Variants in PTPN13 observed in about 807,000 individuals in gnomAD.
The protein encoded by PTPN13 is tyrosine-protein phosphatase non-receptor type 13.
In PTPN13, 191 loss-of-function variants were observed where a neutral mutation model predicts 284.0. That is an observed-to-expected ratio of 0.67 (90% CI 0.60 to 0.76). The LOEUF is 0.76. PTPN13 is among the 30% of genes least tolerant of loss of function. The probability of loss-of-function intolerance (pLI) is 0.00; values close to 1 mark genes in which losing one functional copy is unlikely to be tolerated. For missense variants in PTPN13, 2,797 were observed against 2,939.9 expected, an observed-to-expected ratio of 0.95 and a Z score of 1.12; for synonymous variants, 986 against 1,022.3, an observed-to-expected ratio of 0.96 and a Z score of 0.68.
intron 5 of PTPN13, chr4:86,689,614 T>G: frequency 1.4e-6 from 1 of 701,784 alleles, no homozygotes; most frequent in Non-Finnish European, 2.6e-6. Flanking sequence ...TGTCTGGATC[T>G]TCTAGGTATT....
In PTPN13 at chr4:86,767,989, G is replaced by A. The variant is rs1739527994; in HGVS notation, c.4489+13G>A. On this transcript the variant is annotated intron_variant, in intron 28 of 47. Transcript: ENST00000411767. ...TTTGTCACTGAAGGTCAGGCCTTGG[G>A]AGACTACAATCTCACCTTTAAATTA... 1.3e-6 allele frequency: 2 copies of A among 1,598,236 alleles called. No individual in the cohort carries two copies. The highest frequency in any genetic ancestry group is 1.4e-5 in the African/African-American group (1 of 73,940).
chr4:86,633,429 A>G (rs1722678166), intron 1 of PTPN13, among the ~76,000 whole-genome samples: 2 of 152,120 alleles, frequency 1.3e-5, no homozygotes, highest in Middle Eastern at 3.2e-3. Flanking sequence ...CTAACTCCAG[A>G]GAACATATAT....
chr4:86,743,567 T>C (rs1455516369), intron 16 of PTPN13, among the ~76,000 whole-genome samples: 1 of 152,180 alleles, frequency 6.6e-6, no homozygotes, highest in Non-Finnish European at 1.5e-5. Flanking sequence ...TATCTTTAGC[T>C]CCTCTCTAAT....
Position 86,676,702 on chromosome 4 carries a change from C to G in PTPN13, c.294+4159C>G, listed in dbSNP as rs1363955909. Among the ~76,000 whole-genome samples, 3 of 152,082 alleles carry G rather than the reference C, an allele frequency of 2.0e-5. No homozygotes were observed. The East Asian group carries it at 5.8e-4, about 29-fold the overall frequency. On this transcript the variant is annotated intron_variant, in intron 3 of 47. Coordinates refer to ENST00000411767, the MANE Select transcript of PTPN13 (RefSeq NM_080683.3). ...AGGCTTAAGTAAAAGGCAGGCTTGT[C>G]ACATGCTACAATATGGATGAACCTG...
chr4:86,709,521 A>G (rs2149041969), intron 7 of PTPN13, among the ~76,000 whole-genome samples: 1 of 152,288 alleles, frequency 6.6e-6, no homozygotes, highest in Non-Finnish European at 1.5e-5. Context: ...GGTTACAACA[A>G]TATTCTCTGG....
chr4:86,720,998 G>A (rs552603192), intron 9 of PTPN13, among the ~76,000 whole-genome samples: 5 of 152,032 alleles, frequency 3.3e-5, no homozygotes, highest in South Asian at 2.1e-4. Context: ...AAGTTTATAC[G>A]TAGTACATTC....
chr4:86,688,957 A>C, intron 4 of PTPN13, 48 bp from the exon 5 acceptor site: 1 of 1,443,144 alleles, frequency 6.9e-7, no homozygotes, highest in Non-Finnish European at 9.7e-7. Flanking sequence ...CATTAGAAAA[A>C]ATATTTGCTC....
rs1382549607 is a variant in PTPN13, at chr4:86,799,082, A to G, written c.6402-19A>G. The G allele has an allele frequency of 4.2e-6, 6 of 1,427,842 alleles. No individual in the cohort carries two copies. In the African/African-American group the frequency reaches 5.8e-5, roughly 14 times the overall value. 88.4% of individuals were successfully genotyped at this position (1,427,842 alleles called of 1,614,324 possible). On this transcript the variant is annotated intron_variant, in intron 41 of 47. Coordinates refer to ENST00000411767, the MANE Select transcript of PTPN13 (RefSeq NM_080683.3). Reference sequence around the variant, plus strand: ...TACAAAAATGAAGAAAATGTTTCAAATATGTTTTGTTTTCATAGCTTAATT... The same window carrying G: ...TACAAAAATGAAGAAAATGTTTCAAGTATGTTTTGTTTTCATAGCTTAATT...
chr4:86,645,606 A>G (rs541417194), intron 2 of PTPN13, among the ~76,000 whole-genome samples: 76 of 152,214 alleles, frequency 5.0e-4, no homozygotes, highest in Non-Finnish European at 9.6e-4. Context: ...AAATTTAACA[A>G]TATGAAAAAA....
intron 42 of PTPN13, among the ~76,000 whole-genome samples, chr4:86,800,595 T>G (rs1192586962): frequency 6.6e-6 from 1 of 151,236 alleles, no homozygotes; most frequent in African/African-American, 2.4e-5. Flanking sequence ...GAGGTTGCAA[T>G]GAGCCGAGAT....
intron 30 of PTPN13, 52 bp from the exon 31 acceptor site, chr4:86,771,119 C>T (rs1739947099): frequency 2.0e-6 from 3 of 1,486,976 alleles, no homozygotes; most frequent in Non-Finnish European, 2.7e-6. Context: ...CAAATAAATG[C>T]TTCTAAAATT....
At chr4:86,685,984 T>TA (rs879323825) in intron 3 of PTPN13, among the ~76,000 whole-genome samples, 5 of 152,240 alleles carry the variant, frequency 3.3e-5, no homozygotes, top group Non-Finnish European at 5.9e-5. Flanking sequence ...AACAGTGCTT[T>TA]AACCACTAAT....
chr4:86,626,964 C>G (rs747278804), intron 1 of PTPN13, among the ~76,000 whole-genome samples: 1 of 151,980 alleles, frequency 6.6e-6, no homozygotes, highest in Non-Finnish European at 1.5e-5. Context: ...CCCAAATGTT[C>G]TAAACAGGTG....
At chr4:86,809,554 T>A (rs1745000364) in intron 45 of PTPN13, among the ~76,000 whole-genome samples, 1 of 152,028 alleles carries the variant, frequency 6.6e-6, no homozygotes, top group African/African-American at 2.4e-5. Flanking sequence ...AGAAATTAGC[T>A]GGGTGTGGCA....
intron 2 of PTPN13, among the ~76,000 whole-genome samples, chr4:86,640,512 G>A (rs1400109001): frequency 6.6e-6 from 1 of 152,148 alleles, no homozygotes; most frequent in Non-Finnish European, 1.5e-5. Flanking sequence ...GCCCTTAAGG[G>A]ATTTGTTCAG....
chr4:86,814,746 T>C lies in PTPN13; in HGVS notation c.*195T>C. 2 of 502,218 alleles carry C rather than the reference T, an allele frequency of 4.0e-6. No individual in the cohort carries two copies. The highest frequency in any genetic ancestry group is 7.1e-5 in the Admixed American group (2 of 28,358). 31.1% of individuals were successfully genotyped at this position (502,218 alleles called of 1,614,324 possible). ...TTTTTACAGCTACTTTAACCTATGA[T>C]AATTATTTACAAAATTTTAACACTA... On this transcript the variant is annotated 3_prime_UTR_variant, in exon 48 of 48. Transcript: ENST00000411767.
Position 86,814,659 on chromosome 4 carries a change from C to A in PTPN13, c.*108C>A. 1 of 797,916 alleles carries A rather than the reference C, an allele frequency of 1.3e-6. No homozygotes were observed. The highest frequency in any genetic ancestry group is 2.1e-6 in the Non-Finnish European group (1 of 487,372). 49.4% of individuals were successfully genotyped at this position (797,916 alleles called of 1,614,324 possible). ...CAGAGCAGCAAGTTCATACAACATG[C>A]ATGTTCTCCTCTATCTTAGAGGGGT... On this transcript the variant is annotated 3_prime_UTR_variant, in exon 48 of 48. Coordinates refer to ENST00000411767, the MANE Select transcript of PTPN13 (RefSeq NM_080683.3).
chr4:86,688,217 T>A (rs1729644402), intron 4 of PTPN13, among the ~76,000 whole-genome samples: 1 of 151,726 alleles, frequency 6.6e-6, no homozygotes, highest in East Asian at 1.9e-4. Flanking sequence ...AGTGGAAGAG[T>A]CATAGGAAAG....
intron 14 of PTPN13, among the ~76,000 whole-genome samples, chr4:86,735,085 T>C (rs1735354237): frequency 6.6e-6 from 1 of 152,124 alleles, no homozygotes; most frequent in South Asian, 2.1e-4. Context: ...AAAGTTATCC[T>C]GTTTTGGAGT....
Sources: allele counts gnomAD v4.1 joint callset (sites outside exome capture counted in the v4.1 genomes callset), GRCh38; gene constraint gnomAD v4.1.1; transcripts MANE v1.5; gene names NCBI Gene and HGNC (gene_info 2026-07-23, HGNC 2026-07-21).